GRID1: variants seen among roughly 807,000 people sequenced by gnomAD.
GRID1 encodes the protein glutamate ionotropic receptor delta type subunit 1.
GRID1 carries 28 observed loss-of-function variants against 98.0 expected under a neutral mutation model. That is an observed-to-expected ratio of 0.29 (90% CI 0.21 to 0.39). GRID1 has a LOEUF of 0.39. Among genes scored for constraint, GRID1 ranks in the 10% least tolerant of loss-of-function variants. The pLI, the probability that GRID1 is intolerant of heterozygous loss-of-function variation, is 1.00. For missense variants in GRID1, 1,111 were observed against 1,340.5 expected (o/e 0.83, Z 2.67); for synonymous variants, 553 against 538.5 (o/e 1.03, Z -0.37).
intron 3 of GRID1, among the ~76,000 whole-genome samples, chr10:86,183,688 T>C (rs911252820): frequency 6.6e-6 from 1 of 152,354 alleles, no homozygotes; most frequent in East Asian, 1.9e-4. Flanking sequence ...CACTTGCCAA[T>C]GGACATTTTG....
At chr10:86,279,853 TCTACC>T (rs1847332144) in intron 2 of GRID1, among the ~76,000 whole-genome samples, 1 of 152,184 alleles carries the variant, frequency 6.6e-6, no homozygotes, top group South Asian at 2.1e-4. Flanking sequence ...TTTGATGGAA[TCTACC>T]CTTTAAAAAA....
At chr10:85,709,686 C>T (rs894884041) in intron 12 of GRID1, among the ~76,000 whole-genome samples, 11 of 151,918 alleles carry the variant, frequency 7.2e-5, no homozygotes, top group East Asian at 3.9e-4. Flanking sequence ...TCACTCACAC[C>T]GATAGTGCAC....
chr10:85,868,837 T>C (rs970881906), intron 6 of GRID1, among the ~76,000 whole-genome samples, 173 bp downstream of exon 6: 8 of 152,200 alleles, frequency 5.3e-5, no homozygotes, highest in Non-Finnish European at 1.2e-4. Context: ...CATAATTGCC[T>C]GCTCGTGCTG....
chr10:85,793,895 C>T (rs1242420981), intron 8 of GRID1, among the ~76,000 whole-genome samples: 1 of 152,014 alleles, frequency 6.6e-6, no homozygotes, highest in Non-Finnish European at 1.5e-5. Context: ...GAACAAAAGC[C>T]CTGCATTAAA....
At chr10:85,978,849 C>T (rs1189176471) in intron 4 of GRID1, among the ~76,000 whole-genome samples, 1 of 152,232 alleles carries the variant, frequency 6.6e-6, no homozygotes, top group Non-Finnish European at 1.5e-5. Flanking sequence ...ACCCTGTTTA[C>T]TCACATCCTC....
intron 4 of GRID1, among the ~76,000 whole-genome samples, chr10:86,117,025 C>T (rs1589376978): frequency 4.6e-5 from 7 of 151,734 alleles, no homozygotes; most frequent in Admixed American, 4.6e-4. Flanking sequence ...ACCAATACTA[C>T]CACCATCACC....
chr10:85,826,594 GCACCCTGCCACATT>G (rs926852203), intron 8 of GRID1, among the ~76,000 whole-genome samples: 2 of 151,960 alleles, frequency 1.3e-5, no homozygotes, highest in South Asian at 2.1e-4. Flanking sequence ...GCCAACACAT[GCACCCTGCCACATT>G]CACCCTGCCA....
At chr10:85,686,076 TATAAA>T (rs1374259409) in intron 12 of GRID1, among the ~76,000 whole-genome samples, 4 of 152,062 alleles carry the variant, frequency 2.6e-5, no homozygotes, top group African/African-American at 9.7e-5. Context: ...TTTCAATACA[TATAAA>T]AGAATAATGC....
At chr10:85,980,314 C>T (rs551680238) in intron 4 of GRID1, among the ~76,000 whole-genome samples, 15 of 152,382 alleles carry the variant, frequency 9.8e-5, no homozygotes, top group South Asian at 6.2e-4. Flanking sequence ...GCCTGGCATA[C>T]GGCCAGTGCT....
At chr10:85,951,441 G>A (rs1234535145) in intron 4 of GRID1, among the ~76,000 whole-genome samples, 1 of 151,938 alleles carries the variant, frequency 6.6e-6, no homozygotes, top group South Asian at 2.1e-4. Flanking sequence ...CTGGAGTATA[G>A]GTGGGAGACG....
At chr10:85,912,989 C>T (rs1039168978) in intron 5 of GRID1, among the ~76,000 whole-genome samples, 9 of 152,128 alleles carry the variant, frequency 5.9e-5, no homozygotes, top group African/African-American at 1.2e-4. Flanking sequence ...ATGCTAAAAC[C>T]GGAAACAGTA....
intron 10 of GRID1, among the ~76,000 whole-genome samples, chr10:85,727,263 T>A (rs947090094): frequency 6.6e-6 from 1 of 152,146 alleles, no homozygotes; most frequent in African/African-American, 2.4e-5. Context: ...TTGAGTCAGA[T>A]GCCACCATGA....
intron 8 of GRID1, among the ~76,000 whole-genome samples, chr10:85,811,740 C>A (rs1842673824): frequency 6.6e-6 from 1 of 151,960 alleles, no homozygotes; most frequent in Admixed American, 6.6e-5. Context: ...GCATTATGAG[C>A]AATCAGAAGG....
chr10:85,627,153 T>TG (rs1252523963), intron 13 of GRID1, among the ~76,000 whole-genome samples: 1 of 152,022 alleles, frequency 6.6e-6, no homozygotes, highest in Non-Finnish European at 1.5e-5. Context: ...GAAATTTCCA[T>TG]GGGAAAAAAA....
intron 4 of GRID1, among the ~76,000 whole-genome samples, chr10:86,032,245 G>A (rs976334797): frequency 6.6e-6 from 1 of 152,058 alleles, no homozygotes; most frequent in Non-Finnish European, 1.5e-5. Context: ...CTGTCCTGGA[G>A]GTGGGGGGCG....
In GRID1 at chr10:85,613,659, A is replaced by G. The variant is rs371802789; in HGVS notation, c.2361-12T>C. 11 of 1,609,972 alleles carry G rather than the reference A, an allele frequency of 6.8e-6. No individual in the cohort carries two copies. In the African/African-American group the frequency reaches 1.3e-4, roughly 20 times the overall value. On this transcript the variant is annotated splice_polypyrimidine_tract_variant and intron_variant, in intron 14 of 15. Coordinates refer to ENST00000327946, the MANE Select transcript of GRID1 (RefSeq NM_017551.3). ...GCAGCTCCAGGATCCTGTAAGACAC[A>G]ATCAAGGTGAGCTATAGCCACTGAC... is the stretch of plus-strand genomic sequence containing the variant.
intron 4 of GRID1, among the ~76,000 whole-genome samples, chr10:86,016,771 A>G (rs1842986736): frequency 6.6e-6 from 1 of 151,998 alleles, no homozygotes; most frequent in Non-Finnish European, 1.5e-5. Context: ...TAAACCCAGC[A>G]CCCTCTTTTA....
At chr10:85,972,693 T>C (rs1443602552) in intron 4 of GRID1, among the ~76,000 whole-genome samples, 4 of 151,960 alleles carry the variant, frequency 2.6e-5, no homozygotes, top group African/African-American at 9.7e-5. Flanking sequence ...TTGTTCAGTA[T>C]GGAAGATAGC....
At chr10:85,978,163 T>C (rs1842497957) in intron 4 of GRID1, among the ~76,000 whole-genome samples, 1 of 152,224 alleles carries the variant, frequency 6.6e-6, no homozygotes, top group Non-Finnish European at 1.5e-5. Flanking sequence ...ATGCAGCGTC[T>C]TCCCTACCTA....
Sources: gnomAD v4.1 joint callset for allele counts (sites outside exome capture counted in the v4.1 genomes callset) on GRCh38, gnomAD v4.1.1 for gene constraint, MANE v1.5 for transcripts, NCBI Gene and HGNC (gene_info 2026-07-23, HGNC 2026-07-21) for gene names.